APPL2: variants seen among roughly 807,000 people sequenced by gnomAD.
APPL2 encodes the protein DCC-interacting protein 13-beta.
APPL2 carries 84 observed loss-of-function variants against 92.7 expected under a neutral mutation model. The observed-to-expected ratio is 0.91, with a 90% confidence interval of 0.76 to 1.09. The LOEUF (loss-of-function observed/expected upper bound fraction) is 1.09. Among genes scored for constraint, APPL2 ranks in the 50% least tolerant of loss-of-function variants. The pLI is 0.00. For missense variants in APPL2, 736 were observed against 824.5 expected, an observed-to-expected ratio of 0.89 and a Z score of 1.31; for synonymous variants, 291 against 291.0, an observed-to-expected ratio of 1.00 and a Z score of 0.00.
At chr12:105,215,812 G>C (rs937967987) in intron 4 of APPL2, among the ~76,000 whole-genome samples, 3 of 152,010 alleles carry the variant, frequency 2.0e-5, no homozygotes, top group Non-Finnish European at 4.4e-5. Flanking sequence ...ATGCCGAGGT[G>C]GGCGGATCAC....
chr12:105,175,892 G>A (rs575634961), intron 20 of APPL2, 143 bp downstream of exon 20: 1 of 712,172 alleles, frequency 1.4e-6, no homozygotes, highest in Non-Finnish European at 2.2e-6. Flanking sequence ...AAAACCTCTG[G>A]TGGTTAGAAT....
intron 3 of APPL2, 67 bp from the exon 4 acceptor site, chr12:105,217,207 C>A: frequency 9.6e-7 from 1 of 1,036,436 alleles, no homozygotes; most frequent in South Asian, 1.4e-5. Context: ...GAAGCATCAC[C>A]TGCAGAACAC....
At chr12:105,215,713 T>C (rs991315294) in intron 4 of APPL2, among the ~76,000 whole-genome samples, 1 of 152,220 alleles carries the variant, frequency 6.6e-6, no homozygotes, top group African/African-American at 2.4e-5. Context: ...TTATTCTTTA[T>C]CATGATTTTT....
At chr12:105,174,488 T>TTAA in intron 20 of APPL2, 40 bp from the exon 21 acceptor site, 1 of 1,593,498 alleles carries the variant, frequency 6.3e-7, no homozygotes, top group Non-Finnish European at 8.5e-7. Context: ...AAGAAAAGGC[T>TTAA]TAAGATGCAT....
intron 1 of APPL2, among the ~76,000 whole-genome samples, chr12:105,234,144 T>C (rs1166549012): frequency 6.6e-6 from 1 of 152,156 alleles, no homozygotes; most frequent in African/African-American, 2.4e-5. Flanking sequence ...CAATGACAAA[T>C]AAACTTCCTA....
chr12:105,180,560 A>G (rs555631492), intron 17 of APPL2, among the ~76,000 whole-genome samples: 2 of 152,292 alleles, frequency 1.3e-5, no homozygotes, highest in South Asian at 4.1e-4. Flanking sequence ...TTTGGGCAGT[A>G]TGGCCATTTT....
At chr12:105,220,020 A>G (rs138676746) in intron 2 of APPL2, among the ~76,000 whole-genome samples, 218 of 152,364 alleles carry the variant, frequency 1.4e-3, no homozygotes, top group African/African-American at 5.0e-3. Context: ...ATGACCCTGT[A>G]AAAGCAGGTT....
At position 105,210,063 on chromosome 12, in the gene APPL2, C is replaced by T. The variant is rs372154656; in HGVS notation, c.373+1167G>A. Among the ~76,000 whole-genome samples the T allele has an allele frequency of 2.2e-4, 33 of 152,198 alleles. No individual in the cohort carries two copies. The East Asian group carries it at 2.3e-3, about 11-fold the overall frequency. Reference sequence around the variant, plus strand: ...GCAACCTCCACCTCCCGGGTTCAAGCGATTCTCCTGCCTCAGCCTCCCGAG... The same window carrying T: ...GCAACCTCCACCTCCCGGGTTCAAGTGATTCTCCTGCCTCAGCCTCCCGAG... On this transcript the variant is annotated intron_variant, in intron 5 of 20. Transcript: ENST00000258530.
intron 3 of APPL2, among the ~76,000 whole-genome samples, 181 bp from the exon 4 acceptor site, chr12:105,217,321 G>A (rs4964341): frequency 0.017 from 2,615 of 152,260 alleles, 33 homozygotes; most frequent in Non-Finnish European, 0.023. Flanking sequence ...CCCCCAGGGT[G>A]CACTCATCTG....
At chr12:105,184,108 C>A (rs1886376816) in intron 17 of APPL2, among the ~76,000 whole-genome samples, 1 of 152,214 alleles carries the variant, frequency 6.6e-6, no homozygotes, top group African/African-American at 2.4e-5. Context: ...TCATCTCCAT[C>A]AGGTTATTTA....
rs140290194 is a variant in APPL2, at chr12:105,188,349, C to G, written c.1558G>C (p.Val520Leu). 15 of 1,614,114 alleles carry G rather than the reference C, an allele frequency of 9.3e-6. No individual in the cohort carries two copies. The highest frequency in any genetic ancestry group is 9.3e-6 in the Non-Finnish European group (11 of 1,180,038). Residue 520 changes from valine (V) to leucine (L), a missense_variant, in exon 17 of 21, where the codon GTA (valine) becomes CTA (leucine). By Grantham distance (32) the Val-to-Leu change is conservative (BLOSUM62 1). Transcript: ENST00000258530. ...TTATGAATAGCCCGAGCAGCCAATA[C>G]TTGTCTCATCGCTTCATAAATCACT... ...TEVIYEAMRQ[V>L]LAARAIHNIF...
chr12:105,174,166 G>C lies in APPL2; in HGVS notation c.*148C>G. 2 of 928,924 alleles carry C rather than the reference G, an allele frequency of 2.2e-6. No individual in the cohort carries two copies. Among genetic ancestry groups the C allele is most frequent in the Middle Eastern group, 6.7e-4 (2 of 2,972 alleles). 57.5% of individuals were successfully genotyped at this position (928,924 alleles called of 1,614,324 possible). On this transcript the variant is annotated 3_prime_UTR_variant, in exon 21 of 21. Transcript: ENST00000258530. ...AACCATTTCTTAGTTTCCCTCCCAA[G>C]TCTCAGTATCAAGGCATCAAGATTA...
At chr12:105,230,850 C>T (rs1172127279) in intron 1 of APPL2, among the ~76,000 whole-genome samples, 1 of 152,126 alleles carries the variant, frequency 6.6e-6, no homozygotes, top group African/African-American at 2.4e-5. Context: ...AGCCACTGTG[C>T]AATAATGAAT....
intron 9 of APPL2, among the ~76,000 whole-genome samples, chr12:105,202,100 A>T (rs937912558): frequency 3.9e-5 from 6 of 152,348 alleles, no homozygotes; most frequent in African/African-American, 1.4e-4. Flanking sequence ...GAAAAATAGC[A>T]TTCAAAACAG....
chr12:105,218,534 G>T (rs1355971372), intron 2 of APPL2, among the ~76,000 whole-genome samples: 1 of 152,238 alleles, frequency 6.6e-6, no homozygotes, highest in Non-Finnish European at 1.5e-5. Flanking sequence ...CAGCCATGGG[G>T]ACGAGCTTTC....
chr12:105,217,047 AT>A, intron 4 of APPL2, 21 bp downstream of exon 4: 1 of 1,544,142 alleles, frequency 6.5e-7, no homozygotes, highest in Non-Finnish European at 8.8e-7. Context: ...TCAAATACAA[AT>A]TTTCTATGTT....
rs536055115 is a variant in APPL2 at position 105,199,980 on chromosome 12, G to A, written c.705-449C>T. Reference sequence around the variant, plus strand: ...ACTACCGGCGCTCGCCACCATGCCCGGCTAATTTTGTTTTTTTTTTTTTTT... The same window carrying A: ...ACTACCGGCGCTCGCCACCATGCCCAGCTAATTTTGTTTTTTTTTTTTTTT... On this transcript the variant is annotated intron_variant, in intron 9 of 20. Transcript: ENST00000258530. Among the ~76,000 whole-genome samples the A allele has an allele frequency of 6.6e-5, 10 of 151,684 alleles. No homozygotes were observed. In the South Asian group the frequency reaches 1.2e-3, roughly 19 times the overall value.
rs1471798035 is a variant in APPL2, at chr12:105,220,155, A to T, written c.154-2430T>A. 2.0e-5 allele frequency among the ~76,000 whole-genome samples: 3 copies of T among 152,230 alleles called. No homozygotes were observed. The South Asian group carries it at 6.2e-4, about 32-fold the overall frequency. On this transcript the variant is annotated intron_variant, in intron 2 of 20. Transcript: ENST00000258530. ...GTGAACCTGGAGCTGTCCGATTCTA[A>T]AATCCACACTCCTAAATGCTACTGA... is the stretch of plus-strand genomic sequence containing the variant.
At position 105,234,927 on chromosome 12, in the gene APPL2, A is replaced by G. The variant is rs117060386; in HGVS notation, c.54+1032T>C. Among the ~76,000 whole-genome samples, 324 of 152,340 alleles carry G rather than the reference A, an allele frequency of 2.1e-3. 1 individual carries two copies. The Middle Eastern group carries it at 0.031, about 14-fold the overall frequency. On this transcript the variant is annotated intron_variant, in intron 1 of 20. Transcript: ENST00000258530. ...AGGAGGATCACAAAAAATGAACAAA[A>G]GACACCTATGCATACAGCCCTTCGG...
Sources: allele counts gnomAD v4.1 joint callset (sites outside exome capture counted in the v4.1 genomes callset), GRCh38; gene constraint gnomAD v4.1.1; transcripts MANE v1.5; gene names NCBI Gene and HGNC (gene_info 2026-07-23, HGNC 2026-07-21).